Variants in ACSL3 observed in about 807,000 individuals in gnomAD.
ACSL3 encodes acyl-CoA synthetase long chain family member 3.
A neutral mutation model predicts 84.7 loss-of-function variants in ACSL3; 34 were observed. That is an observed-to-expected ratio of 0.40 (90% confidence interval 0.31 to 0.53). ACSL3 has a LOEUF of 0.53. ACSL3 is among the 20% of genes least tolerant of loss of function. The pLI is 0.48. For synonymous variants in ACSL3, 315 were observed against 299.4 expected, an observed-to-expected ratio of 1.05 and a Z score of -0.54; for missense variants, 680 against 873.1, an observed-to-expected ratio of 0.78 and a Z score of 2.79.
chr2:222,877,294 T>TA (rs1695473256), intron 1 of ACSL3, among the ~76,000 whole-genome samples: 1 of 152,162 alleles, frequency 6.6e-6, no homozygotes, highest in African/African-American at 2.4e-5. Context: ...GTTTTGTACT[T>TA]AGATTGTTTA....
At chr2:222,892,833 TAAATG>T (rs1695875652) in intron 2 of ACSL3, among the ~76,000 whole-genome samples, 2 of 152,254 alleles carry the variant, frequency 1.3e-5, no homozygotes, top group East Asian at 1.9e-4. Context: ...TTGTGAGAAT[TAAATG>T]AGATAACATA....
chr2:222,924,738 C>T, intron 11 of ACSL3, 143 bp downstream of exon 11: 1 of 1,000,992 alleles, frequency 1.0e-6, no homozygotes, highest in Non-Finnish European at 1.4e-6. Flanking sequence ...AAAAATCCAT[C>T]CCAGGCCAGG....
rs1276330324 is a variant in ACSL3 at position 222,930,694 on chromosome 2, G to T, written c.1614G>T (p.Gly538=). The T allele has an allele frequency of 6.2e-7, 1 of 1,613,962 alleles. No homozygotes were observed. The highest frequency in any genetic ancestry group is 1.3e-5 in the African/African-American group (1 of 74,896). Residue 538 remains glycine, a synonymous_variant, in exon 14 of 17, where the codon GGG becomes GGT. Transcript: ENST00000357430. Reference sequence around the variant, plus strand: ...TTGGGGGCCAAAGTGTGACAATGGGGTACTACAAAAATGAAGCAAAAACAA... The same window carrying T: ...TTGGGGGCCAAAGTGTGACAATGGGTTACTACAAAAATGAAGCAAAAACAA... ...ILIGGQSVTM[G]YYKNEAKTKA...
chr2:222,887,894 A>ATATTTTAC lies in ACSL3; in HGVS notation c.-148+11_-148+12insTACTATTT, dbSNP rs1312652136. On this transcript the variant is annotated splice_region_variant and intron_variant, in intron 2 of 16. Transcript: ENST00000357430. ...CCTCCTACCATTGTCAACTGGTAAAATATTTAATTTTTTATTACAATAGAT... is the reference window on the plus strand; with the variant it reads ...CCTCCTACCATTGTCAACTGGTAAAATATTTTACTATTTAATTTTTTATTACAATAGAT... The ATATTTTAC allele has an allele frequency of 6.6e-6, 1 of 152,190 alleles. No individual in the cohort carries two copies. The highest frequency in any genetic ancestry group is 1.5e-5 in the Non-Finnish European group (1 of 68,024). The allele number at this position is 152,190 out of a possible 1,614,324, so 9.4% of individuals were successfully genotyped here. A position where few individuals can be genotyped will look rare whatever the true frequency, so the allele number is the denominator to read the frequency against.
chr2:222,868,083 G>A (rs1294662282), intron 1 of ACSL3, among the ~76,000 whole-genome samples: 1 of 151,882 alleles, frequency 6.6e-6, no homozygotes, highest in East Asian at 1.9e-4. Flanking sequence ...TGACTGCAGG[G>A]ATAATTCACG....
At chr2:222,911,778 C>T (rs184460536) in intron 4 of ACSL3, among the ~76,000 whole-genome samples, 1 of 152,260 alleles carries the variant, frequency 6.6e-6, no homozygotes, top group African/African-American at 2.4e-5. Context: ...TAGTTGTTTC[C>T]TAAATGTGCG....
At chr2:222,908,038 A>G (rs1379849043) in intron 3 of ACSL3, among the ~76,000 whole-genome samples, 2 of 152,188 alleles carry the variant, frequency 1.3e-5, no homozygotes, top group African/African-American at 4.8e-5. Flanking sequence ...TCTCCCAGTG[A>G]ACGTGTAGGT....
At chr2:222,920,085 T>C (rs1696691886) in intron 7 of ACSL3, among the ~76,000 whole-genome samples, 1 of 151,996 alleles carries the variant, frequency 6.6e-6, no homozygotes, top group African/African-American at 2.4e-5. Flanking sequence ...TCTTGGTGAG[T>C]CATCAGCAGG....
intron 1 of ACSL3, among the ~76,000 whole-genome samples, chr2:222,880,586 T>TG (rs1387600101): frequency 1.3e-5 from 2 of 152,104 alleles, no homozygotes; most frequent in Non-Finnish European, 2.9e-5. Flanking sequence ...CCCAGCACTT[T>TG]GGGAGGCCAA....
At chr2:222,883,076 A>G (rs1317266847) in intron 1 of ACSL3, among the ~76,000 whole-genome samples, 6 of 151,308 alleles carry the variant, frequency 4.0e-5, no homozygotes, top group African/African-American at 1.2e-4. Flanking sequence ...CCCAAATCAC[A>G]CTTTTTAATA....
At position 222,927,000 on chromosome 2, in the gene ACSL3, C is replaced by G; in HGVS notation, c.1293-17C>G. ...TTCAGTTTTAAAATCCTGTGGTTCT[C>G]TAATTTTTTTCTTTAGCTTTGTTTT... On this transcript the variant is annotated splice_polypyrimidine_tract_variant and intron_variant, in intron 11 of 16. Coordinates refer to ENST00000357430, the MANE Select transcript of ACSL3 (RefSeq NM_004457.5). The G allele has an allele frequency of 2.5e-6, 4 of 1,606,780 alleles. No homozygotes were observed. The highest frequency in any genetic ancestry group is 3.4e-6 in the Non-Finnish European group (4 of 1,174,416).
In ACSL3 at chr2:222,869,957, A is replaced by T. The variant is rs566617971; in HGVS notation, c.-207+8699A>T. On this transcript the variant is annotated intron_variant, in intron 1 of 16. Coordinates refer to ENST00000357430, the MANE Select transcript of ACSL3 (RefSeq NM_004457.5). Reference sequence around the variant, plus strand: ...AACCTTCTAGGAATAGAAAGGGAGAACTAGCAGCTAGCAAATGGAGAGAAT... The same window carrying T: ...AACCTTCTAGGAATAGAAAGGGAGATCTAGCAGCTAGCAAATGGAGAGAAT... Among the ~76,000 whole-genome samples, 4 of 152,300 alleles carry T rather than the reference A, an allele frequency of 2.6e-5. No homozygotes were observed. In the South Asian group the frequency reaches 8.3e-4, roughly 32 times the overall value.
At chr2:222,933,391 G>A in intron 15 of ACSL3, 111 bp downstream of exon 15, 5 of 701,560 alleles carry the variant, frequency 7.1e-6, no homozygotes, top group Non-Finnish European at 1.1e-5. Flanking sequence ...CTTCCTATCT[G>A]TTACTTGTGG....
Position 222,895,470 on chromosome 2 carries a change from CTTTTTTTTTTT to C in ACSL3, c.-147-5186_-147-5176del, listed in dbSNP as rs1164470428. Among the ~76,000 whole-genome samples, 3 of 15,606 alleles carry C rather than the reference CTTTTTTTTTTT, an allele frequency of 1.9e-4. 1 individual carries two copies. The highest frequency in any genetic ancestry group is 2.8e-4 in the Non-Finnish European group (3 of 10,834). 10.2% of individuals were successfully genotyped at this position (15,606 alleles called of 152,430 possible). ...CCTGGCCTGTTACCATTACTTTGTT[CTTTTTTTTTTT>C]TTTTTTTTTTTTTTTTTATTGATCA... is the stretch of plus-strand genomic sequence containing the variant. On this transcript the variant is annotated intron_variant, in intron 2 of 16. Transcript: ENST00000357430.
rs142706743 is a variant in ACSL3, at chr2:222,908,108, G to A, written c.-40-625G>A. Among the ~76,000 whole-genome samples the A allele has an allele frequency of 6.8e-4, 104 of 152,314 alleles. No homozygotes were observed. The East Asian group carries it at 0.018, about 27-fold the overall frequency. Reference sequence around the variant, plus strand: ...CTGTTACTTTCGCAGTGCTTAGAACGATATCTAACATAGTGGATTTTCAAT... The same window carrying A: ...CTGTTACTTTCGCAGTGCTTAGAACAATATCTAACATAGTGGATTTTCAAT... On this transcript the variant is annotated intron_variant, in intron 3 of 16. Coordinates refer to ENST00000357430, the MANE Select transcript of ACSL3 (RefSeq NM_004457.5).
intron 3 of ACSL3, among the ~76,000 whole-genome samples, chr2:222,906,470 T>TA (rs1410857733): frequency 6.6e-6 from 1 of 152,178 alleles, no homozygotes; most frequent in Non-Finnish European, 1.5e-5. Context: ...AGATGCCCTT[T>TA]GTATAGGGGT....
chr2:222,908,709 C>T (rs908674138), intron 3 of ACSL3, 24 bp from the exon 4 acceptor site: 24 of 1,394,908 alleles, frequency 1.7e-5, no homozygotes, highest in African/African-American at 1.0e-4. Context: ...TTTGAACTAA[C>T]GCCTTTCTTT....
intron 1 of ACSL3, among the ~76,000 whole-genome samples, chr2:222,878,795 T>C (rs1032170047): frequency 5.3e-5 from 8 of 152,220 alleles, no homozygotes; most frequent in Non-Finnish European, 8.8e-5. Context: ...TCTTTCATTC[T>C]GGAAATGTAG....
At chr2:222,883,167 GTTTTTTTT>G (rs71408541) in intron 1 of ACSL3, among the ~76,000 whole-genome samples, 3 of 135,846 alleles carry the variant, frequency 2.2e-5, no homozygotes, top group Non-Finnish European at 3.2e-5. Context: ...TTTGCTTTCT[GTTTTTTTT>G]TTTTTTCTTT....
Sources: allele counts gnomAD v4.1 joint callset (sites outside exome capture counted in the v4.1 genomes callset), GRCh38; gene constraint gnomAD v4.1.1; transcripts MANE v1.5; gene names NCBI Gene and HGNC (gene_info 2026-07-23, HGNC 2026-07-21).